The following RNF166 variants were observed in gnomAD, a reference collection of about 807,000 sequenced individuals.
RNF166 encodes E3 ubiquitin-protein ligase RNF166.
A neutral mutation model predicts 29.4 loss-of-function variants in RNF166; 19 were observed. That is an observed-to-expected ratio of 0.65 (90% CI 0.45 to 0.95). The LOEUF is 0.95. Ranked by LOEUF, RNF166 falls within the 40% of genes least tolerant of loss-of-function variation. The pLI is 0.00. For missense variants in RNF166, 347 were observed against 322.1 expected (o/e 1.08, Z -0.59); for synonymous variants, 171 against 134.5 (o/e 1.27, Z -1.88).
At chr16:88,704,551 C>T in intron 1 of RNF166, 2 of 985,456 alleles carry the variant, frequency 2.0e-6, no homozygotes, top group Non-Finnish European at 2.4e-6. Context: ...AGTGGAGATG[C>T]TGTGGCCGAC....
chr16:88,703,657 AC>A, intron 1 of RNF166: 1 of 985,412 alleles, frequency 1.0e-6, no homozygotes, highest in Non-Finnish European at 1.2e-6. Flanking sequence ...GTCTGCGCCC[AC>A]CCAGGGGCTG....
chr16:88,696,855 C>A lies in RNF166; in HGVS notation c.*713G>T, dbSNP rs553428008. On this transcript the variant is annotated 3_prime_UTR_variant, in exon 6 of 6. Transcript: ENST00000312838. ...CCAGACACACAGTGGGTGGCCAGGG[C>A]AGACCCCACAGCAGACCCCATGGCT... The A allele has an allele frequency of 3.8e-4, 121 of 322,322 alleles. No homozygotes were observed. Among genetic ancestry groups the A allele is most frequent in the African/African-American group, 2.3e-3 (106 of 45,354 alleles). 20.0% of individuals were successfully genotyped at this position (322,322 alleles called of 1,614,324 possible).
rs758418264 is a variant in RNF166 at position 88,701,303 on chromosome 16, G to T, written c.271C>A (p.Leu91Ile). ...VDKATHVEKQ[L>I]SSYKAPCRGC... ...CGACAGGGCGCTTTGTAGGATGAGA[G>T]CTGCTTCTCCACGTGGGTGGCCTTG... is the stretch of plus-strand genomic sequence containing the variant. The change falls in exon 2 of 6, where the codon CTC becomes ATC. Residue 91 changes from leucine to isoleucine, a missense_variant. Physicochemically the swap from Leu to Ile is conservative, Grantham distance 5 (BLOSUM62 2). Coordinates refer to ENST00000312838, the MANE Select transcript of RNF166 (RefSeq NM_178841.4). The T allele has an allele frequency of 1.2e-6, 2 of 1,613,800 alleles. No individual in the cohort carries two copies. The highest frequency in any genetic ancestry group is 8.5e-7 in the Non-Finnish European group (1 of 1,179,956).
intron 4 of RNF166, 21 bp downstream of exon 4, chr16:88,698,950 C>A (rs375514729): frequency 6.5e-7 from 1 of 1,544,400 alleles, no homozygotes; most frequent in East Asian, 2.3e-5. Flanking sequence ...GCAGGCGTCG[C>A]TTGGGGCAGG....
intron 1 of RNF166, chr16:88,703,510 G>A: frequency 4.1e-6 from 4 of 985,426 alleles, no homozygotes; most frequent in Non-Finnish European, 4.8e-6. Flanking sequence ...CAGGGCGGCT[G>A]GGCCCGAGGA....
intron 1 of RNF166, chr16:88,701,682 C>T (rs779993059): frequency 2.2e-6 from 1 of 448,508 alleles, no homozygotes; most frequent in Non-Finnish European, 4.0e-6. Flanking sequence ...GTCACTATGG[C>T]TGTCCCCGCG....
At chr16:88,702,109 C>A (rs192370900) in intron 1 of RNF166, among the ~76,000 whole-genome samples, 1 of 141,508 alleles carries the variant, frequency 7.1e-6, no homozygotes, top group Non-Finnish European at 1.6e-5. Context: ...CAGCCCCGTG[C>A]GCACTCCGGG....
chr16:88,702,946 G>C (rs531725557), intron 1 of RNF166: 1 of 985,562 alleles, frequency 1.0e-6, no homozygotes, highest in Admixed American at 6.1e-5. Flanking sequence ...AGGCACTCAT[G>C]GCAGGAGAAG....
chr16:88,698,487 TGGCG>T lies in RNF166; in HGVS notation c.648+11_648+14del, dbSNP rs767786499. Reference sequence around the variant, plus strand: ...AGGAGGGCGTGGGGGAGGACGGTGCTGGCGGGATGCCTACCACAAAGGTGTCGTA... The same window carrying T: ...AGGAGGGCGTGGGGGAGGACGGTGCTGGATGCCTACCACAAAGGTGTCGTA... On this transcript the variant is annotated intron_variant, in intron 5 of 5. Transcript: ENST00000312838. The T allele has an allele frequency of 1.1e-5, 17 of 1,550,852 alleles. No individual in the cohort carries two copies. In the African/African-American group the frequency reaches 2.2e-4, roughly 20 times the overall value.
At chr16:88,703,954 G>A (rs904404570) in intron 1 of RNF166, 236 of 985,484 alleles carry the variant, frequency 2.4e-4, no homozygotes, top group Admixed American at 4.3e-4. Flanking sequence ...GTGATCACGC[G>A]TGTCCTGGCC....
intron 1 of RNF166, chr16:88,704,183 C>T (rs949862281): frequency 8.1e-6 from 8 of 985,462 alleles, no homozygotes; most frequent in Non-Finnish European, 9.6e-6. Flanking sequence ...CAACAAACTT[C>T]CGAAGGGAAC....
rs1043688988 is a variant in RNF166, at chr16:88,706,352, C to CGCCCGCT, written c.-34_-28dup. On this transcript the variant is annotated 5_prime_UTR_variant, in exon 1 of 6. Transcript: ENST00000312838. ...CCGGGGCCAGGCCCGCGCCGCCCGCCGCCCGCTGTCCTGGCCCGGGCCGGC... is the reference window on the plus strand; with the variant it reads ...CCGGGGCCAGGCCCGCGCCGCCCGCCGCCCGCTGCCCGCTGTCCTGGCCCGGGCCGGC... 15 of 1,214,980 alleles carry CGCCCGCT rather than the reference C, an allele frequency of 1.2e-5. No homozygotes were observed. The African/African-American group carries it at 1.4e-4, about 12-fold the overall frequency. The allele number at this position is 1,214,980 out of a possible 1,614,324, so 75.3% of individuals were successfully genotyped here. A position where few individuals can be genotyped will look rare whatever the true frequency, so the allele number is the denominator to read the frequency against.
At chr16:88,697,804 G>T (rs1241990405) in intron 5 of RNF166, 171 bp from the exon 6 acceptor site, 8 of 588,384 alleles carry the variant, frequency 1.4e-5, no homozygotes, top group Non-Finnish European at 2.2e-5. Context: ...GGTCCTCTGG[G>T]GGGTGAGAAG....
chr16:88,703,819 A>G (rs1910507985), intron 1 of RNF166: 1 of 985,302 alleles, frequency 1.0e-6, no homozygotes, highest in African/African-American at 1.7e-5. Context: ...CCGCTGCACA[A>G]GCTGAGAAGC....
intron 2 of RNF166, chr16:88,700,009 G>A (rs1428272358): frequency 3.0e-5 from 8 of 263,172 alleles, no homozygotes; most frequent in East Asian, 1.4e-4. Flanking sequence ...GATCTCTGGC[G>A]CCTGCAGGAG....
intron 1 of RNF166, chr16:88,703,624 C>G (rs968865965): frequency 2.0e-6 from 2 of 985,418 alleles, no homozygotes; most frequent in Non-Finnish European, 2.4e-6. Context: ...GAGTAGTGCC[C>G]GCTTCCCCCA....
In RNF166 at chr16:88,696,584, G is replaced by A. The variant is rs370754723; in HGVS notation, c.*984C>T. 4.6e-5 allele frequency: 21 copies of A among 453,706 alleles called. No individual in the cohort carries two copies. Among genetic ancestry groups the A allele is most frequent in the Admixed American group, 1.9e-4 (8 of 41,724 alleles). The allele number at this position is 453,706 out of a possible 1,614,324, so 28.1% of individuals were successfully genotyped here. On this transcript the variant is annotated 3_prime_UTR_variant, in exon 6 of 6. Coordinates refer to ENST00000312838, the MANE Select transcript of RNF166 (RefSeq NM_178841.4). The stretch of plus-strand genomic sequence containing the variant: ...GCCAAGAACAGAAAAGAATGTTGAC[G>A]TGTTGCCCGGCCCGCCAAGCGGGCC...
rs1910132877 is a variant in RNF166 at position 88,700,737 on chromosome 16, A to G, written c.312+525T>C. The G allele has an allele frequency of 7.0e-6, 7 of 993,502 alleles. No individual in the cohort carries two copies. The South Asian group carries it at 2.6e-4, about 36-fold the overall frequency. 61.5% of individuals were successfully genotyped at this position (993,502 alleles called of 1,614,324 possible). ...GGCACGGGCCAGGCACCAGGACAGG[A>G]TGGACATGGGGGCCAATGAGGCCCA... is the stretch of plus-strand genomic sequence containing the variant. On this transcript the variant is annotated intron_variant, in intron 2 of 5. Coordinates refer to ENST00000312838, the MANE Select transcript of RNF166 (RefSeq NM_178841.4).
chr16:88,697,785 G>C lies in RNF166; in HGVS notation c.649-152C>G. On this transcript the variant is annotated intron_variant, in intron 5 of 5. Transcript: ENST00000312838. ...AGCTCCACTGTCCCCACAGGCTCGG[G>C]GCCTGCACGGTCCTCTGGGGGGTGA... 1.9e-5 allele frequency: 12 copies of C among 625,130 alleles called. No homozygotes were observed. The South Asian group carries it at 2.2e-4, about 12-fold the overall frequency. 38.7% of individuals were successfully genotyped at this position (625,130 alleles called of 1,614,324 possible).
Sources: allele counts gnomAD v4.1 joint callset (sites outside exome capture counted in the v4.1 genomes callset), GRCh38; gene constraint gnomAD v4.1.1; transcripts MANE v1.5; gene names NCBI Gene and HGNC (gene_info 2026-07-23, HGNC 2026-07-21).